The following TBC1D22A variants were observed in gnomAD, a reference collection of about 807,000 sequenced individuals.
TBC1D22A encodes the protein TBC1 domain family member 22A.
In TBC1D22A, 38 loss-of-function variants were observed where a neutral mutation model predicts 60.2. The observed-to-expected ratio is 0.63, with a 90% CI of 0.49 to 0.83. The LOEUF (loss-of-function observed/expected upper bound fraction) is 0.83. TBC1D22A is among the 40% of genes least tolerant of loss of function. The pLI is 0.00. For missense variants in TBC1D22A, 628 were observed against 701.0 expected (o/e 0.90, Z 1.18); for synonymous variants, 302 against 281.7 (o/e 1.07, Z -0.72).
chr22:47,089,958 C>A (rs2064851713), intron 11 of TBC1D22A, among the ~76,000 whole-genome samples: 2 of 152,150 alleles, frequency 1.3e-5, no homozygotes, highest in Non-Finnish European at 2.9e-5. Context: ...GTCAGAACAG[C>A]CCAGTGTGAA....
intron 6 of TBC1D22A, among the ~76,000 whole-genome samples, chr22:46,894,121 G>A (rs2068547392): frequency 6.6e-6 from 1 of 152,210 alleles, no homozygotes; most frequent in African/African-American, 2.4e-5. Flanking sequence ...GGATAAACGG[G>A]AGCGTGGGCT....
chr22:46,833,157 T>C (rs1310922059), intron 4 of TBC1D22A, among the ~76,000 whole-genome samples: 2 of 152,264 alleles, frequency 1.3e-5, no homozygotes, highest in Non-Finnish European at 2.9e-5. Context: ...AATCTCTTTC[T>C]ATTTAAGTCT....
At chr22:46,924,888 T>A (rs1407287750) in intron 8 of TBC1D22A, among the ~76,000 whole-genome samples, 1 of 152,204 alleles carries the variant, frequency 6.6e-6, no homozygotes, top group Non-Finnish European at 1.5e-5. Context: ...AGGGTTGTGA[T>A]GAGTGTGTGG....
chr22:47,052,390 C>G (rs1265982883), intron 11 of TBC1D22A, among the ~76,000 whole-genome samples: 1 of 152,154 alleles, frequency 6.6e-6, no homozygotes, highest in East Asian at 1.9e-4. Context: ...CTGGGGATGC[C>G]TGGGAGGGAC....
intron 4 of TBC1D22A, among the ~76,000 whole-genome samples, chr22:46,849,788 T>TC (rs1411063869): frequency 2.0e-5 from 3 of 152,352 alleles, no homozygotes; most frequent in Non-Finnish European, 4.4e-5. Flanking sequence ...CCGTGCTCCG[T>TC]GACTGTCGCC....
In TBC1D22A at chr22:47,175,217, A is replaced by G. The variant is rs1184934353; in HGVS notation, c.*1591A>G. ...AAACGTCAGATGCTCCCAAACCAGC[A>G]AAGGGATGGGCTTGCTTCACATCAG... On this transcript the variant is annotated 3_prime_UTR_variant, in exon 13 of 13. Transcript: ENST00000337137. 1 of 152,298 alleles carries G rather than the reference A, an allele frequency of 6.6e-6. No homozygotes were observed. The highest frequency in any genetic ancestry group is 1.5e-5 in the Non-Finnish European group (1 of 68,070). The allele number at this position is 152,298 out of a possible 1,614,324, so 9.4% of individuals were successfully genotyped here.
intron 4 of TBC1D22A, among the ~76,000 whole-genome samples, chr22:46,837,239 C>T (rs184064745): frequency 6.6e-6 from 1 of 152,056 alleles, no homozygotes; most frequent in African/African-American, 2.4e-5. Context: ...TGGAGAACCT[C>T]AATATATAAA....
intron 11 of TBC1D22A, among the ~76,000 whole-genome samples, chr22:47,071,201 G>A (rs1254350155): frequency 6.6e-6 from 1 of 152,208 alleles, no homozygotes; most frequent in Non-Finnish European, 1.5e-5. Flanking sequence ...CACGTATTAA[G>A]AGCCCACATG....
At chr22:46,960,919 C>T (rs1042829323) in intron 8 of TBC1D22A, among the ~76,000 whole-genome samples, 1 of 131,264 alleles carries the variant, frequency 7.6e-6, no homozygotes, top group African/African-American at 3.0e-5. Flanking sequence ...TGTGCCACTA[C>T]ACTCCAGCCT....
chr22:47,170,909 G>A (rs4823611), intron 12 of TBC1D22A, among the ~76,000 whole-genome samples: 1,112 of 20,170 alleles, frequency 0.055, 388 homozygotes, highest in African/African-American at 0.14. Context: ...CGGAGAGAGG[G>A]CAGTCCTGGT....
At chr22:46,888,397 C>T (rs2068226938) in intron 5 of TBC1D22A, among the ~76,000 whole-genome samples, 1 of 152,214 alleles carries the variant, frequency 6.6e-6, no homozygotes, top group Non-Finnish European at 1.5e-5. Context: ...GATGGGGAAA[C>T]ACTTTCAAAG....
chr22:46,957,385 A>G (rs182685870), intron 8 of TBC1D22A, among the ~76,000 whole-genome samples: 26 of 152,344 alleles, frequency 1.7e-4, no homozygotes, highest in African/African-American at 4.8e-4. Context: ...TAGGAAACTT[A>G]CAATCATGGT....
intron 1 of TBC1D22A, chr22:46,789,360 C>T (rs773628603): frequency 4.2e-5 from 19 of 456,998 alleles, no homozygotes; most frequent in South Asian, 1.1e-4. Context: ...CTCCTGACCT[C>T]GTGATCCGCC....
chr22:47,154,465 T>G (rs2067634016), intron 12 of TBC1D22A, among the ~76,000 whole-genome samples: 1 of 152,164 alleles, frequency 6.6e-6, no homozygotes, highest in South Asian at 2.1e-4. Context: ...ACTCTTTGAC[T>G]GCAGTTTTCC....
At chr22:47,111,141 C>T (rs779327604) in intron 11 of TBC1D22A, among the ~76,000 whole-genome samples, 4 of 152,214 alleles carry the variant, frequency 2.6e-5, no homozygotes, top group South Asian at 2.1e-4. Flanking sequence ...GCCTCCCTCA[C>T]GCGCCCTTTG....
At chr22:47,003,154 A>G (rs1322625932) in intron 10 of TBC1D22A, among the ~76,000 whole-genome samples, 1 of 152,150 alleles carries the variant, frequency 6.6e-6, no homozygotes. Context: ...TAAACAGTGA[A>G]CAATTTTTTA....
intron 9 of TBC1D22A, among the ~76,000 whole-genome samples, chr22:46,991,049 G>A (rs968200975): frequency 1.3e-5 from 2 of 152,136 alleles, no homozygotes; most frequent in Admixed American, 6.5e-5. Flanking sequence ...CGGAATTAGG[G>A]GGAGGTTGGG....
intron 11 of TBC1D22A, among the ~76,000 whole-genome samples, chr22:47,067,505 T>C (rs1326861063): frequency 6.6e-6 from 1 of 152,194 alleles, no homozygotes; most frequent in East Asian, 1.9e-4. Context: ...TTTGCAACGA[T>C]GCTCCTTGTA....
chr22:46,827,303 C>T (rs943994180), intron 4 of TBC1D22A, among the ~76,000 whole-genome samples: 29 of 152,280 alleles, frequency 1.9e-4, no homozygotes, highest in Middle Eastern at 3.4e-3. Flanking sequence ...CAGGCCGAGT[C>T]GGCGTTCCTG....
Sources: gnomAD v4.1 joint callset for allele counts (sites outside exome capture counted in the v4.1 genomes callset) on GRCh38, gnomAD v4.1.1 for gene constraint, MANE v1.5 for transcripts, NCBI Gene and HGNC (gene_info 2026-07-23, HGNC 2026-07-21) for gene names.